HNRNPF: variants seen among roughly 807,000 people sequenced by gnomAD.
The protein encoded by HNRNPF is heterogeneous nuclear ribonucleoprotein F, also known as HnRNP F protein.
Under a neutral mutation model 26.0 loss-of-function variants are expected in HNRNPF, and 2 were observed. That is an observed-to-expected ratio of 0.08 (90% CI 0.03 to 0.24). HNRNPF has a LOEUF of 0.24. HNRNPF is among the 10% of genes least tolerant of loss of function. The pLI is 1.00. For missense variants in HNRNPF, 299 were observed against 539.2 expected, an observed-to-expected ratio of 0.55 and a Z score of 4.41; for synonymous variants, 234 against 211.5, an observed-to-expected ratio of 1.11 and a Z score of -0.92.
At chr10:43,394,942 G>A (rs1022549371) in intron 2 of HNRNPF, among the ~76,000 whole-genome samples, 1 of 152,110 alleles carries the variant, frequency 6.6e-6, no homozygotes, top group African/African-American at 2.4e-5. Context: ...AGATTCTCCT[G>A]CCTCAGTACC....
At chr10:43,407,932 ATTAC>A (rs1376615738) in intron 1 of HNRNPF, 1 of 152,088 alleles carries the variant, frequency 6.6e-6, no homozygotes, top group Non-Finnish European at 1.5e-5. Flanking sequence ...TATTACTATT[ATTAC>A]TTCTTTTGAG....
chr10:43,387,289 A>G lies in HNRNPF; in HGVS notation c.596T>C (p.Leu199Pro). 1 of 1,614,172 alleles carries G rather than the reference A, an allele frequency of 6.2e-7. No homozygotes were observed. Among genetic ancestry groups the G allele is most frequent in the South Asian group, 1.1e-5 (1 of 91,090 alleles). ...EEVRSYSDPPLKFMSVQRPGP... is the reference protein window; with the variant it reads ...EEVRSYSDPPPKFMSVQRPGP... ...TGGCCGCTGCACGGACATGAACTTC[A>G]GAGGGGGATCTGAGTATGACCTAAC... Residue 199 changes from leucine to proline, a missense_variant, in exon 4 of 4, where the codon CTG becomes CCG. Transcript: ENST00000682386. This position sits in a 1 kb window ranked among gnomAD's most constrained non-coding sequence, Gnocchi z 6.0.
chr10:43,406,245 C>G (rs540126202), intron 1 of HNRNPF, among the ~76,000 whole-genome samples: 1 of 152,282 alleles, frequency 6.6e-6, no homozygotes, highest in East Asian at 1.9e-4. Context: ...CAGGCATCTA[C>G]CCCCACCGGG....
At chr10:43,395,546 G>A (rs760772833) in intron 2 of HNRNPF, among the ~76,000 whole-genome samples, 5 of 152,214 alleles carry the variant, frequency 3.3e-5, no homozygotes, top group Non-Finnish European at 5.9e-5. Flanking sequence ...AATCTGCCTT[G>A]TCTTGCAAAC....
intron 1 of HNRNPF, among the ~76,000 whole-genome samples, chr10:43,399,484 C>G (rs1838684721): frequency 6.6e-6 from 1 of 152,178 alleles, no homozygotes; most frequent in South Asian, 2.1e-4. Context: ...TGTGCAACTG[C>G]AGCTAGGTCT....
intron 2 of HNRNPF, among the ~76,000 whole-genome samples, chr10:43,394,907 ATCTTGATGAGATTTAC>A (rs988778003): frequency 1.2e-4 from 18 of 152,274 alleles, no homozygotes; most frequent in African/African-American, 3.8e-4. Flanking sequence ...CGCCTTATTG[ATCTTGATGAGATTTAC>A]TCTTGATGAG....
At chr10:43,399,894 G>C (rs997031234) in intron 1 of HNRNPF, among the ~76,000 whole-genome samples, 1 of 152,332 alleles carries the variant, frequency 6.6e-6, no homozygotes, top group Admixed American at 6.5e-5. Flanking sequence ...ACAAATTTTA[G>C]AATGAACGAA....
intron 1 of HNRNPF, among the ~76,000 whole-genome samples, chr10:43,399,975 T>A (rs1179226383): frequency 1.3e-5 from 2 of 152,174 alleles, no homozygotes; most frequent in Non-Finnish European, 1.5e-5. Context: ...GGAGCATGGG[T>A]GAGTGGGAAC....
intron 1 of HNRNPF, chr10:43,396,963 G>A (rs1838560856): frequency 6.6e-6 from 1 of 151,460 alleles, no homozygotes; most frequent in Non-Finnish European, 1.5e-5. Context: ...GAGAGCGAGG[G>A]CGACGGCAAG....
intron 3 of HNRNPF, among the ~76,000 whole-genome samples, chr10:43,393,040 C>T (rs1838315627): frequency 6.6e-6 from 1 of 152,228 alleles, no homozygotes; most frequent in East Asian, 1.9e-4. Flanking sequence ...ACTCAACTCC[C>T]TTGGGTGATC....
intron 3 of HNRNPF, among the ~76,000 whole-genome samples, chr10:43,391,054 T>C (rs987281410): frequency 6.6e-6 from 1 of 152,082 alleles, no homozygotes; most frequent in Non-Finnish European, 1.5e-5. Flanking sequence ...CCTATAATCC[T>C]AGCACTTTGG....
At chr10:43,398,454 G>T (rs948258213) in intron 1 of HNRNPF, among the ~76,000 whole-genome samples, 2 of 150,852 alleles carry the variant, frequency 1.3e-5, no homozygotes, top group Admixed American at 6.6e-5. Flanking sequence ...GATTCTCCTG[G>T]CCTCAACCTC....
At chr10:43,392,446 G>A (rs979189667) in intron 3 of HNRNPF, among the ~76,000 whole-genome samples, 1 of 152,204 alleles carries the variant, frequency 6.6e-6, no homozygotes, top group Non-Finnish European at 1.5e-5. Flanking sequence ...CGCTGGGACA[G>A]GAGAATCGCT....
intron 2 of HNRNPF, among the ~76,000 whole-genome samples, chr10:43,395,813 C>T (rs891493230): frequency 6.6e-6 from 1 of 152,322 alleles, no homozygotes; most frequent in Non-Finnish European, 1.5e-5. Flanking sequence ...GGGACATGCA[C>T]AAGCTGGCAA....
intron 1 of HNRNPF, among the ~76,000 whole-genome samples, chr10:43,403,722 T>C (rs1838823597): frequency 6.6e-6 from 1 of 152,096 alleles, no homozygotes. Flanking sequence ...ACTGAGGCCA[T>C]ATATAGTGGC....
chr10:43,395,813 C>G (rs891493230), intron 2 of HNRNPF, among the ~76,000 whole-genome samples: 1 of 152,204 alleles, frequency 6.6e-6, no homozygotes, highest in Non-Finnish European at 1.5e-5. Context: ...GGGACATGCA[C>G]AAGCTGGCAA....
chr10:43,389,674 A>G (rs1258390301), intron 3 of HNRNPF, among the ~76,000 whole-genome samples: 1 of 152,262 alleles, frequency 6.6e-6, no homozygotes, highest in African/African-American at 2.4e-5. Flanking sequence ...GCATAATGGC[A>G]CAAATGAAAC....
rs759478505 is a variant in HNRNPF, at chr10:43,387,290, G to C, written c.595C>G (p.Leu199Val). The change falls in exon 4 of 4, where the codon CTG (leucine) becomes GTG (valine). Residue 199 changes from leucine to valine, a missense_variant. Physicochemically the swap from Leu to Val is conservative, Grantham distance 32 (BLOSUM62 1). Around this residue, in one of 6 missense-constraint regions of HNRNPF, gnomAD observed 17 missense variants for 16.1 expected, o/e 1.05. Transcript: ENST00000682386. This position sits in a 1 kb window ranked among gnomAD's most constrained non-coding sequence, Gnocchi z 6.0. ...GGCCGCTGCACGGACATGAACTTCA[G>C]AGGGGGATCTGAGTATGACCTAACT... ...EEVRSYSDPP[L>V]KFMSVQRPGP... 4.3e-6 allele frequency: 7 copies of C among 1,614,120 alleles called. No homozygotes were observed. In the East Asian group the frequency reaches 1.6e-4, roughly 36 times the overall value.
At chr10:43,392,344 T>A (rs1838285171) in intron 3 of HNRNPF, among the ~76,000 whole-genome samples, 1 of 152,076 alleles carries the variant, frequency 6.6e-6, no homozygotes, top group Admixed American at 6.5e-5. Context: ...ATCGAGACCA[T>A]CCTGGCTAAC....
Sources: allele counts gnomAD v4.1 joint callset (sites outside exome capture counted in the v4.1 genomes callset), GRCh38; gene constraint gnomAD v4.1.1; regional missense constraint gnomAD v4.1.1; non-coding constraint Gnocchi (gnomAD v3.1); transcripts MANE v1.5; gene names NCBI Gene and HGNC (gene_info 2026-07-23, HGNC 2026-07-21).